Variants in PDXDC1 observed in about 807,000 individuals in gnomAD.
PDXDC1 encodes pyridoxal-dependent decarboxylase domain-containing protein 1.
A neutral mutation model predicts 100.1 loss-of-function variants in PDXDC1; 42 were observed. The observed-to-expected ratio is 0.42, with a 90% confidence interval of 0.33 to 0.54. The LOEUF is 0.54. PDXDC1 is among the 20% of genes least tolerant of loss of function. The pLI, the probability that PDXDC1 is intolerant of heterozygous loss-of-function variation, is 0.10. For synonymous variants in PDXDC1, 260 were observed against 371.7 expected (o/e 0.70, Z 3.46); for missense variants, 636 against 979.2 (o/e 0.65, Z 4.68).
intron 16 of PDXDC1, among the ~76,000 whole-genome samples, chr16:15,043,443 G>A (rs2043914435): frequency 6.6e-6 from 1 of 152,218 alleles, no homozygotes; most frequent in Admixed American, 6.5e-5. Context: ...TTGGGAGGCT[G>A]AGGAGGGAGG....
intron 16 of PDXDC1, among the ~76,000 whole-genome samples, chr16:15,112,028 G>C (rs1443473718): frequency 2.7e-5 from 4 of 147,040 alleles, no homozygotes; most frequent in African/African-American, 9.7e-5. Flanking sequence ...CCTCACATCA[G>C]CTTCGTTGAG....
In PDXDC1 at chr16:14,975,192, C is replaced by A; in HGVS notation, c.-8C>A. The A allele has an allele frequency of 6.9e-7, 1 of 1,448,974 alleles. No homozygotes were observed. Among genetic ancestry groups the A allele is most frequent in the Admixed American group, 3.0e-5 (1 of 33,190 alleles). The allele number at this position is 1,448,974 out of a possible 1,614,324, so 89.8% of individuals were successfully genotyped here. A position where few individuals can be genotyped will look rare whatever the true frequency, so the allele number is the denominator to read the frequency against. ...GGGACCGCCAGGCCACCACCGGCCG[C>A]CTCAGCCATGGACGCGTCCCTGGAG... On this transcript the variant is annotated 5_prime_UTR_variant, in exon 1 of 23. Coordinates refer to ENST00000396410, the MANE Select transcript of PDXDC1 (RefSeq NM_015027.4).
At chr16:15,090,543 G>A (rs547424624) in intron 16 of PDXDC1, among the ~76,000 whole-genome samples, 36 of 152,312 alleles carry the variant, frequency 2.4e-4, no homozygotes, top group Non-Finnish European at 4.0e-4. Context: ...AGGCTGTAGT[G>A]CACTATGATC....
chr16:14,984,806 T>G (rs148606127), intron 1 of PDXDC1, among the ~76,000 whole-genome samples: 1,071 of 151,996 alleles, frequency 7.0e-3, no homozygotes, highest in African/African-American at 0.025. Context: ...GTATAATTTT[T>G]TAAATTCACA....
chr16:15,054,406 CT>C (rs1349108767), intron 16 of PDXDC1, among the ~76,000 whole-genome samples: 2 of 152,210 alleles, frequency 1.3e-5, no homozygotes, highest in African/African-American at 2.4e-5. Context: ...ACCCATCTAA[CT>C]TTCTATCACG....
chr16:15,095,919 C>G lies in PDXDC1; in HGVS notation c.1400-42960C>G, dbSNP rs1371670919. Reference sequence around the variant, plus strand: ...TTATATGTATCTCTCTCCAGGAGTTCAAGACCAGCCTGGGCAACATATGGT... The same window carrying G: ...TTATATGTATCTCTCTCCAGGAGTTGAAGACCAGCCTGGGCAACATATGGT... On this transcript the variant is annotated intron_variant, in intron 16 of 16. Coordinates refer to the PDXDC1 transcript ENST00000535621. 2.7e-5 allele frequency among the ~76,000 whole-genome samples: 4 copies of G among 147,746 alleles called. No individual in the cohort carries two copies. The South Asian group carries it at 8.6e-4, about 32-fold the overall frequency.
At chr16:15,038,947 C>T (rs2043678471), downstream of PDXDC1, among the ~76,000 whole-genome samples, 1 of 152,178 alleles carries the variant, frequency 6.6e-6, no homozygotes, top group African/African-American at 2.4e-5. Flanking sequence ...GGGGTGAAAA[C>T]TTGAGGCTCA....
At chr16:14,993,118 A>G (rs1224613142) in intron 1 of PDXDC1, among the ~76,000 whole-genome samples, 2 of 152,164 alleles carry the variant, frequency 1.3e-5, no homozygotes, top group Non-Finnish European at 2.9e-5. Flanking sequence ...CTTTTCAATG[A>G]CACTTTAAAA....
At chr16:15,127,801 G>A (rs908035129) in intron 16 of PDXDC1, 236 of 1,560,792 alleles carry the variant, frequency 1.5e-4, no homozygotes, top group Non-Finnish European at 1.9e-4. Context: ...GCTACGAGGC[G>A]GCCGGTCCCA....
At chr16:15,013,392 A>C (rs1362829302) in intron 8 of PDXDC1, among the ~76,000 whole-genome samples, 1 of 151,030 alleles carries the variant, frequency 6.6e-6, no homozygotes, top group Non-Finnish European at 1.5e-5. Flanking sequence ...AACTACAGTG[A>C]CAGAAGCAGA....
chr16:15,058,333 G>C (rs2044597205), intron 16 of PDXDC1, among the ~76,000 whole-genome samples: 1 of 152,048 alleles, frequency 6.6e-6, no homozygotes, highest in African/African-American at 2.4e-5. Context: ...TAATTACAAT[G>C]TTGGAAAGCC....
chr16:15,124,399 A>G (rs1050514165), intron 16 of PDXDC1, among the ~76,000 whole-genome samples: 4 of 152,206 alleles, frequency 2.6e-5, no homozygotes, highest in African/African-American at 9.7e-5. Flanking sequence ...TGTAAACAGG[A>G]AATATTCTAT....
chr16:15,064,010 T>C (rs1288307474), intron 16 of PDXDC1, among the ~76,000 whole-genome samples: 1 of 152,196 alleles, frequency 6.6e-6, no homozygotes, highest in East Asian at 1.9e-4. Flanking sequence ...CTGGTTTCAG[T>C]CAACCAAGAC....
At chr16:15,087,408 A>G (rs1227993965) in intron 16 of PDXDC1, among the ~76,000 whole-genome samples, 7 of 152,222 alleles carry the variant, frequency 4.6e-5, no homozygotes, top group Admixed American at 1.3e-4. Flanking sequence ...CCAAGAGGCC[A>G]GTAAAGAAGC....
chr16:15,040,784 C>A (rs897522706), downstream of PDXDC1, among the ~76,000 whole-genome samples: 3 of 152,156 alleles, frequency 2.0e-5, no homozygotes, highest in Non-Finnish European at 4.4e-5. Flanking sequence ...CAAAACCAGG[C>A]ACTTTCCCAG....
chr16:15,151,794 G>A, the PDXDC1 span, among the ~76,000 whole-genome samples: 1 of 126,474 alleles, frequency 7.9e-6, no homozygotes, highest in East Asian at 2.1e-4. Flanking sequence ...AGCCAGGAAT[G>A]GTGGTGCACG....
chr16:15,019,622 G>GTA (rs1453413673), intron 12 of PDXDC1, among the ~76,000 whole-genome samples: 1 of 152,280 alleles, frequency 6.6e-6, no homozygotes, highest in Non-Finnish European at 1.5e-5. Context: ...CTCATAGATA[G>GTA]TGCCTTGCAT....
chr16:15,076,848 C>G (rs575905146), intron 16 of PDXDC1, among the ~76,000 whole-genome samples: 1 of 152,136 alleles, frequency 6.6e-6, no homozygotes, highest in Non-Finnish European at 1.5e-5. Context: ...ATATAATAAA[C>G]CAAGCCCCTT....
intron 6 of PDXDC1, among the ~76,000 whole-genome samples, 160 bp from the exon 7 acceptor site, chr16:15,008,619 T>C (rs1479124385): frequency 6.6e-6 from 1 of 152,148 alleles, no homozygotes; most frequent in East Asian, 1.9e-4. Flanking sequence ...GGCTTGGCTT[T>C]CTAAATGTAC....
Sources: gnomAD v4.1 joint callset for allele counts (sites outside exome capture counted in the v4.1 genomes callset) on GRCh38, gnomAD v4.1.1 for gene constraint, MANE v1.5 for transcripts, NCBI Gene and HGNC (gene_info 2026-07-23, HGNC 2026-07-21) for gene names.